PEX5L: variants seen among roughly 807,000 people sequenced by gnomAD.
PEX5L encodes the protein peroxisomal biogenesis factor 5 like, also known as PEX5-related protein.
A neutral mutation model predicts 84.0 loss-of-function variants in PEX5L; 30 were observed. That is an observed-to-expected ratio of 0.36 (90% confidence interval 0.27 to 0.48). The LOEUF (loss-of-function observed/expected upper bound fraction) is 0.48. Ranked by LOEUF, PEX5L falls within the 20% of genes least tolerant of loss-of-function variation. The pLI is 0.99. For missense variants in PEX5L, 533 were observed against 754.6 expected (o/e 0.71, Z 3.44); for synonymous variants, 270 against 283.1 (o/e 0.95, Z 0.46).
chr3:179,845,281 A>G (rs1738893331), intron 8 of PEX5L, among the ~76,000 whole-genome samples: 1 of 152,242 alleles, frequency 6.6e-6, no homozygotes, highest in Admixed American at 6.5e-5. Flanking sequence ...GGATATCCCT[A>G]TAAGTGTTTT....
intron 2 of PEX5L, among the ~76,000 whole-genome samples, chr3:179,949,763 G>A (rs967462742): frequency 1.3e-5 from 2 of 152,128 alleles, no homozygotes; most frequent in South Asian, 2.1e-4. Context: ...AAATAATCTC[G>A]TGATTATGGA....
intron 1 of PEX5L, among the ~76,000 whole-genome samples, chr3:179,983,763 G>A (rs758757859): frequency 3.8e-4 from 58 of 152,098 alleles, no homozygotes; most frequent in Non-Finnish European, 6.5e-4. Context: ...AAATTAAATA[G>A]ATGAATGAAA....
Position 179,875,476 on chromosome 3 carries a change from G to T in PEX5L, c.507C>A (p.Asp169Glu). Residue 169 changes from aspartate to glutamate, a missense_variant and splice_region_variant, in exon 6 of 15, where the codon GAC becomes GAA. Coordinates refer to ENST00000467460, the MANE Select transcript of PEX5L (RefSeq NM_016559.3). ...CCCATTTTTCCAGTTGTGTTTGAAT[G>T]TCTAGTAAGTACAGAGGAAGCAGGT... ...RVPETSSLDL[D>E]IQTQLEKWDD... 2.5e-6 allele frequency: 4 copies of T among 1,582,350 alleles called. No individual in the cohort carries two copies. Among genetic ancestry groups the T allele is most frequent in the Non-Finnish European group, 3.4e-6 (4 of 1,161,062 alleles).
At chr3:179,840,172 T>A (rs1362281487) in intron 8 of PEX5L, among the ~76,000 whole-genome samples, 1 of 111,120 alleles carries the variant, frequency 9.0e-6, no homozygotes, top group African/African-American at 3.7e-5. Context: ...TGTGTGTGTG[T>A]GTGTGTGTGT....
chr3:179,950,263 A>C (rs1778711254), intron 2 of PEX5L, among the ~76,000 whole-genome samples: 2 of 152,046 alleles, frequency 1.3e-5, no homozygotes, highest in East Asian at 3.9e-4. Flanking sequence ...TCAAGGACAA[A>C]AAAACAAACA....
chr3:179,996,783 T>C (rs1317666047), intron 1 of PEX5L, among the ~76,000 whole-genome samples: 1 of 152,280 alleles, frequency 6.6e-6, no homozygotes, highest in South Asian at 2.1e-4. Flanking sequence ...AAGTGGCAGC[T>C]TTCAACCAAC....
chr3:179,956,685 G>C (rs1780641733), intron 2 of PEX5L, among the ~76,000 whole-genome samples: 1 of 152,124 alleles, frequency 6.6e-6, no homozygotes, highest in Non-Finnish European at 1.5e-5. Flanking sequence ...GTTTGGCTGT[G>C]GTCAGCCTCA....
intron 3 of PEX5L, among the ~76,000 whole-genome samples, chr3:179,896,837 ACT>A (rs1759486295): frequency 6.6e-6 from 1 of 152,072 alleles, no homozygotes; most frequent in African/African-American, 2.4e-5. Context: ...CAGAGGTCTG[ACT>A]CTGATTCAGT....
chr3:179,875,601 A>G (rs1397742023), intron 5 of PEX5L, 124 bp from the exon 6 acceptor site: 1 of 663,888 alleles, frequency 1.5e-6, no homozygotes, highest in East Asian at 2.8e-5. Flanking sequence ...TTAAGATTGA[A>G]AAATCTTATC....
intron 3 of PEX5L, among the ~76,000 whole-genome samples, chr3:179,893,237 T>C (rs1190335268): frequency 2.6e-5 from 4 of 152,160 alleles, no homozygotes; most frequent in Non-Finnish European, 4.4e-5. Flanking sequence ...GTGTTTTCTT[T>C]GTGTGGAACA....
At chr3:179,859,893 A>C (rs924750281) in intron 7 of PEX5L, among the ~76,000 whole-genome samples, 2 of 152,134 alleles carry the variant, frequency 1.3e-5, no homozygotes, top group Non-Finnish European at 2.9e-5. Flanking sequence ...AAATGTTATT[A>C]ATTTTTAATT....
At position 179,819,922 on chromosome 3, in the gene PEX5L, T is replaced by G. The variant is rs777229468; in HGVS notation, c.877A>C (p.Arg293=). The part of the protein sequence containing the change: ...MQAEWEEMAR[R]NWISENQEAQ... ...TCTTGGTTCTCAGATATCCAGTTCC[T>G]CCGAGCCATTTCTTCCCATTCTGCT... Residue 293 remains arginine (R), a synonymous_variant, in exon 9 of 15, where the codon AGG becomes CGG. Transcript: ENST00000467460. 1.2e-6 allele frequency: 2 copies of G among 1,613,982 alleles called. No homozygotes were observed. Among genetic ancestry groups the G allele is most frequent in the South Asian group, 2.2e-5 (2 of 91,062 alleles).
chr3:179,923,141 A>T (rs1455448707), intron 2 of PEX5L, among the ~76,000 whole-genome samples: 3 of 151,420 alleles, frequency 2.0e-5, no homozygotes, highest in African/African-American at 7.3e-5. Context: ...TACAAAAAAA[A>T]TTAGTTGGGC....
intron 2 of PEX5L, among the ~76,000 whole-genome samples, chr3:179,947,196 G>C (rs572060798): frequency 2.0e-5 from 3 of 151,990 alleles, no homozygotes; most frequent in Non-Finnish European, 2.9e-5. Flanking sequence ...ATTAGAAGCA[G>C]GATTGAAATT....
At chr3:179,960,906 T>G (rs1173827809) in intron 2 of PEX5L, among the ~76,000 whole-genome samples, 1 of 152,188 alleles carries the variant, frequency 6.6e-6, no homozygotes, top group Non-Finnish European at 1.5e-5. Flanking sequence ...AAGTGATAAC[T>G]GAACAACCCT....
At chr3:179,881,766 T>C (rs760448201) in intron 4 of PEX5L, among the ~76,000 whole-genome samples, 13 of 152,162 alleles carry the variant, frequency 8.5e-5, no homozygotes, top group Non-Finnish European at 1.8e-4. Context: ...AAGATATTGG[T>C]TCTACAGAGG....
chr3:180,012,130 C>G (rs1561061982), intron 1 of PEX5L, among the ~76,000 whole-genome samples: 1 of 152,152 alleles, frequency 6.6e-6, no homozygotes, highest in Admixed American at 6.5e-5. Context: ...GTAATTCCAT[C>G]TGCCCCAGGT....
chr3:179,858,991 C>T, intron 8 of PEX5L, 71 bp downstream of exon 8: 2 of 916,998 alleles, frequency 2.2e-6, no homozygotes, highest in Non-Finnish European at 3.6e-6. Context: ...TTCTATCTTG[C>T]TGAAGTTTGA....
chr3:179,897,642 T>A (rs11713212), intron 3 of PEX5L, among the ~76,000 whole-genome samples: 40,289 of 152,018 alleles, frequency 0.27, 6,232 homozygotes, highest in East Asian at 0.61. Context: ...TCCTGTAAAT[T>A]AGTTATCCAC....
Sources: allele counts gnomAD v4.1 joint callset (sites outside exome capture counted in the v4.1 genomes callset), GRCh38; gene constraint gnomAD v4.1.1; transcripts MANE v1.5; gene names NCBI Gene and HGNC (gene_info 2026-07-23, HGNC 2026-07-21).